Variants in NOS1AP observed in about 807,000 individuals in gnomAD.
The protein encoded by NOS1AP is nitric oxide synthase 1 adaptor protein, also known as carboxyl-terminal PDZ ligand of neuronal nitric oxide synthase protein.
In NOS1AP, 21 loss-of-function variants were observed where a neutral mutation model predicts 56.2. That is an observed-to-expected ratio of 0.37 (90% CI 0.26 to 0.54). The LOEUF is 0.54. NOS1AP is among the 20% of genes least tolerant of loss of function. The pLI, the probability that NOS1AP is intolerant of heterozygous loss-of-function variation, is 0.84. For synonymous variants in NOS1AP, 270 were observed against 274.6 expected, an observed-to-expected ratio of 0.98 and a Z score of 0.17; for missense variants, 522 against 657.8, an observed-to-expected ratio of 0.79 and a Z score of 2.26.
At chr1:162,099,987 A>G (rs1288707908) in intron 1 of NOS1AP, among the ~76,000 whole-genome samples, 1 of 151,210 alleles carries the variant, frequency 6.6e-6, no homozygotes, top group Non-Finnish European at 1.5e-5. Flanking sequence ...GCTGCATAGT[A>G]TTCCATGGTG....
At chr1:162,330,588 A>G (rs1473819824) in intron 4 of NOS1AP, among the ~76,000 whole-genome samples, 1 of 152,228 alleles carries the variant, frequency 6.6e-6, no homozygotes, top group Non-Finnish European at 1.5e-5. Context: ...GACTGCAGAA[A>G]GGTAGGTACA....
chr1:162,365,202 C>T (rs1428373048), intron 8 of NOS1AP: 10 of 1,448,038 alleles, frequency 6.9e-6, no homozygotes, highest in South Asian at 2.9e-5. Flanking sequence ...CACACAGCTT[C>T]GCAGTGCCAG....
At chr1:162,208,779 G>A (rs1652248780) in intron 2 of NOS1AP, among the ~76,000 whole-genome samples, 1 of 152,148 alleles carries the variant, frequency 6.6e-6, no homozygotes, top group Non-Finnish European at 1.5e-5. Flanking sequence ...GGGAAATTTT[G>A]TTTTCTCAAC....
chr1:162,252,663 T>C (rs1001769480), intron 2 of NOS1AP, among the ~76,000 whole-genome samples: 8 of 152,184 alleles, frequency 5.3e-5, no homozygotes, highest in African/African-American at 1.9e-4. Context: ...TATTAATCCC[T>C]GGTTTCTTTA....
intron 4 of NOS1AP, among the ~76,000 whole-genome samples, chr1:162,329,361 A>AAGAGAGAGAG (rs112676244): frequency 4.7e-5 from 7 of 148,700 alleles, no homozygotes; most frequent in Non-Finnish European, 1.0e-4. Context: ...CCAAGAAAAA[A>AAGAGAGAGAG]AGAGAGAGAG....
chr1:162,328,647 AC>A (rs1656667895), intron 4 of NOS1AP, among the ~76,000 whole-genome samples: 1 of 152,226 alleles, frequency 6.6e-6, no homozygotes, highest in South Asian at 2.1e-4. Context: ...TGAGATAATG[AC>A]CAGGGTGTCC....
chr1:162,307,536 G>T (rs1051733923), intron 4 of NOS1AP, among the ~76,000 whole-genome samples: 5 of 152,204 alleles, frequency 3.3e-5, no homozygotes, highest in Non-Finnish European at 7.3e-5. Context: ...AGACGCGGTG[G>T]CTCATGCCTG....
intron 2 of NOS1AP, among the ~76,000 whole-genome samples, chr1:162,265,269 G>A (rs1446734223): frequency 6.7e-6 from 1 of 148,440 alleles, no homozygotes; most frequent in Non-Finnish European, 1.5e-5. Flanking sequence ...GGGTACATGT[G>A]CACAATGTGC....
intron 1 of NOS1AP, among the ~76,000 whole-genome samples, chr1:162,153,880 T>C (rs1649818878): frequency 6.6e-6 from 1 of 152,158 alleles, no homozygotes; most frequent in South Asian, 2.1e-4. Context: ...ATTTCTTTCC[T>C]CCAGTCGGGA....
At chr1:162,122,858 A>G (rs2102053996) in intron 1 of NOS1AP, among the ~76,000 whole-genome samples, 1 of 152,182 alleles carries the variant, frequency 6.6e-6, no homozygotes, top group South Asian at 2.1e-4. Context: ...TTAATTTTAT[A>G]CTTGTATATT....
intron 2 of NOS1AP, among the ~76,000 whole-genome samples, chr1:162,272,002 C>T (rs1654595068): frequency 6.6e-6 from 1 of 152,150 alleles, no homozygotes; most frequent in South Asian, 2.1e-4. Context: ...ACCTCAGCCT[C>T]CTGAGTAGGG....
At chr1:162,279,669 T>C (rs1299174660) in intron 2 of NOS1AP, among the ~76,000 whole-genome samples, 1 of 152,246 alleles carries the variant, frequency 6.6e-6, no homozygotes, top group African/African-American at 2.4e-5. Flanking sequence ...TGAAGTTAAT[T>C]TCCAATATGT....
At chr1:162,168,703 C>T (rs1424400347) in intron 2 of NOS1AP, among the ~76,000 whole-genome samples, 1 of 152,182 alleles carries the variant, frequency 6.6e-6, no homozygotes, top group East Asian at 1.9e-4. Flanking sequence ...TTCTTTCTTC[C>T]TCCTTCCCTT....
At chr1:162,312,656 C>A (rs932252886) in intron 4 of NOS1AP, among the ~76,000 whole-genome samples, 1 of 150,934 alleles carries the variant, frequency 6.6e-6, no homozygotes, top group Non-Finnish European at 1.5e-5. Context: ...GAAGTCCTTG[C>A]CCATGCCTAT....
chr1:162,215,642 T>C (rs12064639), intron 2 of NOS1AP, among the ~76,000 whole-genome samples: 27,489 of 152,090 alleles, frequency 0.18, 2,953 homozygotes, highest in African/African-American at 0.29. Context: ...TCAAAACAGA[T>C]GCTCTCCCAG....
rs1279364338 is a variant in NOS1AP, at chr1:162,364,478, C to T, written c.940-926C>T. On this transcript the variant is annotated intron_variant, in intron 8 of 9. Transcript: ENST00000361897. ...AACCAGGGTCCTGGTCTGGTTGCCC[C>T]TGTCTCCTCCCACTGAGTTTTATCT... The T allele has an allele frequency of 3.0e-6, 3 of 985,360 alleles. No individual in the cohort carries two copies. The African/African-American group carries it at 5.2e-5, about 17-fold the overall frequency. The allele number at this position is 985,360 out of a possible 1,614,324, so 61.0% of individuals were successfully genotyped here.
chr1:162,274,997 A>AT (rs1005818244), intron 2 of NOS1AP, among the ~76,000 whole-genome samples: 3 of 152,086 alleles, frequency 2.0e-5, no homozygotes, highest in Non-Finnish European at 2.9e-5. Context: ...ATTTGCAAGC[A>AT]TTTTTTCCCA....
intron 2 of NOS1AP, among the ~76,000 whole-genome samples, chr1:162,246,732 G>A (rs1653676068): frequency 6.6e-6 from 1 of 152,070 alleles, no homozygotes. Flanking sequence ...TCTAAAATGA[G>A]AAGCCTAGAT....
rs114529998 is a variant in NOS1AP at position 162,311,275 on chromosome 1, C to T, written c.344+10569C>T. Among the ~76,000 whole-genome samples the T allele has an allele frequency of 7.1e-3, 1,074 of 152,268 alleles. 15 individuals are homozygous for T. Among genetic ancestry groups the T allele is most frequent in the African/African-American group, 0.024 (1,007 of 41,538 alleles). On this transcript the variant is annotated intron_variant, in intron 4 of 9. Coordinates refer to ENST00000361897, the MANE Select transcript of NOS1AP (RefSeq NM_014697.3). ...GTATCATCTACCACTTCTCATTTCT[C>T]CTATTTCTGTTTTTTGCCTCCTTCT...
Sources: allele counts gnomAD v4.1 joint callset (sites outside exome capture counted in the v4.1 genomes callset), GRCh38; gene constraint gnomAD v4.1.1; transcripts MANE v1.5; gene names NCBI Gene and HGNC (gene_info 2026-07-23, HGNC 2026-07-21).